Variants in LUZP2 observed in about 807,000 individuals in gnomAD.
The protein encoded by LUZP2 is leucine zipper protein 2.
LUZP2 carries 52 observed loss-of-function variants against 51.6 expected under a neutral mutation model. The observed-to-expected ratio is 1.01, with a 90% confidence interval of 0.81 to 1.27. LUZP2 has a LOEUF of 1.27. LUZP2 is among the 50% of genes most tolerant of loss of function. The probability of loss-of-function intolerance (pLI) is 0.00; values close to 1 mark genes in which losing one functional copy is unlikely to be tolerated. For synonymous variants in LUZP2, 154 were observed against 137.3 expected (o/e 1.12, Z -0.85); for missense variants, 436 against 395.4 (o/e 1.10, Z -0.87).
intron 1 of LUZP2, among the ~76,000 whole-genome samples, chr11:24,590,786 C>G (rs1416709154): frequency 6.6e-6 from 1 of 151,876 alleles, no homozygotes; most frequent in East Asian, 1.9e-4. Context: ...GTTTTTTTTC[C>G]CCCATGAATA....
chr11:24,818,105 T>C (rs1284121455), intron 5 of LUZP2, among the ~76,000 whole-genome samples: 1 of 152,028 alleles, frequency 6.6e-6, no homozygotes, highest in Non-Finnish European at 1.5e-5. Context: ...AAAACAACTT[T>C]GGTGCTGTCT....
At chr11:24,981,026 A>G (rs929989681) in intron 8 of LUZP2, among the ~76,000 whole-genome samples, 2 of 151,930 alleles carry the variant, frequency 1.3e-5, no homozygotes, top group African/African-American at 4.8e-5. Context: ...TACATGGTTT[A>G]CATCATATTT....
At chr11:24,507,867 A>G (rs2133767792) in intron 1 of LUZP2, among the ~76,000 whole-genome samples, 1 of 152,138 alleles carries the variant, frequency 6.6e-6, no homozygotes, top group South Asian at 2.1e-4. Context: ...TTTCTAAGAA[A>G]TGTGTGAATT....
At chr11:25,030,599 G>A (rs1857616587) in intron 9 of LUZP2, among the ~76,000 whole-genome samples, 1 of 151,382 alleles carries the variant, frequency 6.6e-6, no homozygotes. Context: ...GTTACTTTAA[G>A]CCTTAAATTT....
At chr11:24,936,516 T>C (rs1484523204) in intron 7 of LUZP2, among the ~76,000 whole-genome samples, 1 of 148,210 alleles carries the variant, frequency 6.7e-6, no homozygotes, top group Non-Finnish European at 1.5e-5. Flanking sequence ...ATCCAGTGTT[T>C]AAGGTTCACA....
chr11:25,058,894 A>G (rs955367609), intron 10 of LUZP2, among the ~76,000 whole-genome samples: 7 of 152,216 alleles, frequency 4.6e-5, no homozygotes, highest in African/African-American at 1.7e-4. Context: ...TCTGTAATAA[A>G]TGTGAAAAAT....
chr11:24,990,069 A>G (rs911175993), intron 9 of LUZP2, among the ~76,000 whole-genome samples: 1 of 152,086 alleles, frequency 6.6e-6, no homozygotes, highest in Non-Finnish European at 1.5e-5. Context: ...TATGGGGTCT[A>G]TGCCCCCTTT....
chr11:24,931,110 C>G (rs766288856), intron 7 of LUZP2, among the ~76,000 whole-genome samples: 1 of 151,836 alleles, frequency 6.6e-6, no homozygotes, highest in Non-Finnish European at 1.5e-5. Flanking sequence ...ACTCGGGAGG[C>G]TGAAGCATGA....
chr11:24,521,261 G>A (rs1850631026), intron 1 of LUZP2, among the ~76,000 whole-genome samples: 1 of 138,268 alleles, frequency 7.2e-6, no homozygotes. Flanking sequence ...TGAAGCAGGA[G>A]AATTGCTTGA....
intron 1 of LUZP2, among the ~76,000 whole-genome samples, chr11:24,528,744 C>G (rs953126625): frequency 6.6e-6 from 1 of 151,292 alleles, no homozygotes. Flanking sequence ...GTGTTGAGGA[C>G]ATCACCTACT....
At chr11:24,869,316 A>G (rs1182871972) in intron 5 of LUZP2, among the ~76,000 whole-genome samples, 1 of 152,104 alleles carries the variant, frequency 6.6e-6, no homozygotes, top group African/African-American at 2.4e-5. Flanking sequence ...CAGATACTGC[A>G]TTTTTAAGAA....
At chr11:24,771,080 A>C (rs75306800) in intron 5 of LUZP2, among the ~76,000 whole-genome samples, 12,213 of 152,168 alleles carry the variant, frequency 0.08, 1,063 homozygotes, top group African/African-American at 0.22. Context: ...GTCATATCTG[A>C]CCTAGAGCCG....
At position 24,805,178 on chromosome 11, in the gene LUZP2, T is replaced by A. The variant is rs946709643; in HGVS notation, c.396+41870T>A. Among the ~76,000 whole-genome samples, 8 of 152,126 alleles carry A rather than the reference T, an allele frequency of 5.3e-5. 1 individual carries two copies. Among genetic ancestry groups the A allele is most frequent in the Middle Eastern group, 6.8e-3 (2 of 292 alleles). ...AGAAGGCAAGGAGGAGCAAGTCACA[T>A]CTTACATAGATGGCGGCAGGCAAAG... is the stretch of plus-strand genomic sequence containing the variant. On this transcript the variant is annotated intron_variant, in intron 5 of 11. Transcript: ENST00000336930.
intron 9 of LUZP2, among the ~76,000 whole-genome samples, chr11:25,028,052 T>G (rs547470576): frequency 2.6e-5 from 4 of 152,194 alleles, no homozygotes; most frequent in Admixed American, 1.3e-4. Context: ...AACTTTTGAT[T>G]TATTTTTAAT....
chr11:24,984,524 T>TTATATA lies in LUZP2; in HGVS notation c.765+1252_765+1257dup, dbSNP rs1209500084. On this transcript the variant is annotated intron_variant, in intron 9 of 11. Coordinates refer to ENST00000336930, the MANE Select transcript of LUZP2 (RefSeq NM_001009909.4). ...TGTTTTTATATGTAAATTACATATT[T>TTATATA]TATATATATATATATATATATATAT... is the stretch of plus-strand genomic sequence containing the variant. Among the ~76,000 whole-genome samples, 27 of 90,054 alleles carry TTATATA rather than the reference T, an allele frequency of 3.0e-4. 1 individual carries two copies. The highest frequency in any genetic ancestry group is 3.0e-3 in the East Asian group (8 of 2,684). The allele number at this position is 90,054 out of a possible 152,430, so 59.1% of individuals were successfully genotyped here.
intron 1 of LUZP2, among the ~76,000 whole-genome samples, chr11:24,568,985 A>T (rs1852337282): frequency 6.6e-6 from 1 of 152,016 alleles, no homozygotes; most frequent in South Asian, 2.1e-4. Context: ...CAGACATAAC[A>T]TGCATAACAG....
intron 5 of LUZP2, among the ~76,000 whole-genome samples, chr11:24,871,000 C>T (rs1447691338): frequency 6.6e-6 from 1 of 151,772 alleles, no homozygotes; most frequent in Non-Finnish European, 1.5e-5. Flanking sequence ...ATATTTGAAA[C>T]TTTTTTCCTG....
chr11:25,045,651 A>G (rs1858282861), intron 9 of LUZP2, among the ~76,000 whole-genome samples: 1 of 152,178 alleles, frequency 6.6e-6, no homozygotes, highest in Admixed American at 6.5e-5. Context: ...TCTGCTACAT[A>G]GTTTTATTTT....
intron 5 of LUZP2, among the ~76,000 whole-genome samples, chr11:24,880,530 T>A (rs888438251): frequency 6.6e-6 from 1 of 152,184 alleles, no homozygotes; most frequent in African/African-American, 2.4e-5. Context: ...GCTCTGTCCC[T>A]TTTCTAGAAC....
Sources: gnomAD v4.1 joint callset for allele counts (sites outside exome capture counted in the v4.1 genomes callset) on GRCh38, gnomAD v4.1.1 for gene constraint, MANE v1.5 for transcripts, NCBI Gene and HGNC (gene_info 2026-07-23, HGNC 2026-07-21) for gene names.